Variants in EYS observed in about 807,000 individuals in gnomAD.
EYS encodes the protein EGF-like photoreceptor maintenance factor.
EYS carries 250 observed loss-of-function variants against 282.1 expected under a neutral mutation model. That is an observed-to-expected ratio of 0.89 (90% CI 0.80 to 0.98). EYS has a LOEUF of 0.98. EYS is among the 50% of genes least tolerant of loss of function. The probability of loss-of-function intolerance (pLI) is 0.00; values close to 1 mark genes in which losing one functional copy is unlikely to be tolerated. For synonymous variants in EYS, 1,355 were observed against 1,282.9 expected (o/e 1.06, Z -1.20); for missense variants, 4,016 against 3,709.0 (o/e 1.08, Z -2.15).
chr6:65,427,499 T>C (rs987214481), intron 5 of EYS, among the ~76,000 whole-genome samples: 3 of 152,096 alleles, frequency 2.0e-5, no homozygotes, highest in African/African-American at 7.2e-5. Context: ...TTCAATAGCC[T>C]ATTAATGTAA....
chr6:64,386,100 C>T (rs980536034), intron 29 of EYS, among the ~76,000 whole-genome samples: 4 of 152,108 alleles, frequency 2.6e-5, no homozygotes, highest in East Asian at 1.9e-4. Flanking sequence ...ACCGAAGGCC[C>T]GTATTTCAAA....
intron 29 of EYS, 85 bp downstream of exon 29, chr6:64,388,605 A>G (rs1438321495): frequency 7.0e-6 from 9 of 1,285,664 alleles, no homozygotes; most frequent in Middle Eastern, 5.2e-4. Context: ...AAATATTTCT[A>G]AAGTTTTTCT....
At chr6:64,462,084 G>T (rs1002075043) in intron 26 of EYS, among the ~76,000 whole-genome samples, 1 of 152,092 alleles carries the variant, frequency 6.6e-6, no homozygotes, top group Admixed American at 6.5e-5. Flanking sequence ...AAATGTGTTT[G>T]TTAATTATTA....
chr6:64,421,858 GGGGTGTGTGTGTGT>G (rs971359906), intron 28 of EYS, among the ~76,000 whole-genome samples: 8 of 52,760 alleles, frequency 1.5e-4, no homozygotes, highest in East Asian at 8.3e-4. Context: ...TTTTGTTTGG[GGGGTGTGTGTGTGT>G]GTGTGTGTGT....
rs1182477672 is a variant in EYS at position 64,159,559 on chromosome 6, T to TAGAAA, written c.6424+71032_6424+71033insTTTCT. The stretch of plus-strand genomic sequence containing the variant: ...TGGGCGACAGAGCGAGACTCTGTCT[T>TAGAAA]AAAAAAAAAAAAAAAAAAAAAAAAA... On this transcript the variant is annotated intron_variant, in intron 31 of 42. Coordinates refer to ENST00000503581, the MANE Select transcript of EYS (RefSeq NM_001142800.2). Among the ~76,000 whole-genome samples, 39 of 59,944 alleles carry TAGAAA rather than the reference T, an allele frequency of 6.5e-4. No individual in the cohort carries two copies. In the South Asian group the frequency reaches 0.014, roughly 21 times the overall value. The allele number at this position is 59,944 out of a possible 152,430, so 39.3% of individuals were successfully genotyped here.
intron 31 of EYS, among the ~76,000 whole-genome samples, chr6:64,101,622 G>C (rs1772830139): frequency 6.6e-6 from 1 of 151,862 alleles, no homozygotes; most frequent in South Asian, 2.1e-4. Context: ...GAAAAATGTA[G>C]AGTAATAGTC....
chr6:64,770,606 C>T (rs1040796625), intron 22 of EYS, among the ~76,000 whole-genome samples: 3 of 151,838 alleles, frequency 2.0e-5, no homozygotes, highest in Non-Finnish European at 4.4e-5. Context: ...TAAACTCAAT[C>T]GTCGAAACTA....
intron 22 of EYS, among the ~76,000 whole-genome samples, chr6:64,685,034 G>A (rs1394536338): frequency 1.3e-5 from 2 of 151,958 alleles, no homozygotes; most frequent in African/African-American, 4.8e-5. Flanking sequence ...TAATATAAGA[G>A]ATGTACTTTA....
At chr6:65,406,452 T>C (rs1281569892) in intron 5 of EYS, among the ~76,000 whole-genome samples, 3 of 152,100 alleles carry the variant, frequency 2.0e-5, no homozygotes, top group Non-Finnish European at 4.4e-5. Context: ...ATTTTGTCAT[T>C]TTTATGTCAT....
At chr6:64,970,041 A>G (rs1208454787) in intron 14 of EYS, among the ~76,000 whole-genome samples, 1 of 152,186 alleles carries the variant, frequency 6.6e-6, no homozygotes, top group Admixed American at 6.6e-5. Context: ...TGAAATGGAC[A>G]CATACATTTA....
At chr6:64,142,866 G>A (rs530514111) in intron 31 of EYS, among the ~76,000 whole-genome samples, 15 of 152,284 alleles carry the variant, frequency 9.9e-5, no homozygotes, top group African/African-American at 2.9e-4. Flanking sequence ...GGAGGTAAGA[G>A]AGGGAAGAAA....
chr6:65,420,518 C>A (rs953020172), intron 5 of EYS, among the ~76,000 whole-genome samples: 3 of 151,792 alleles, frequency 2.0e-5, no homozygotes, highest in African/African-American at 7.2e-5. Context: ...TCAAAGTCAC[C>A]CATGAAGGTT....
At chr6:63,723,918 C>T (rs1331913208) in intron 42 of EYS, among the ~76,000 whole-genome samples, 2 of 151,776 alleles carry the variant, frequency 1.3e-5, no homozygotes, top group Non-Finnish European at 2.9e-5. Flanking sequence ...ATCTCCCGGG[C>T]TGCCTCAGTT....
At chr6:63,998,787 C>A (rs1169254611) in intron 34 of EYS, among the ~76,000 whole-genome samples, 1 of 133,540 alleles carries the variant, frequency 7.5e-6, no homozygotes, top group African/African-American at 2.9e-5. Context: ...CACTCTGGAG[C>A]TGTCTTTTTT....
intron 35 of EYS, among the ~76,000 whole-genome samples, chr6:63,974,364 CA>C (rs1326529303): frequency 6.6e-6 from 1 of 151,654 alleles, no homozygotes; most frequent in East Asian, 1.9e-4. Flanking sequence ...GCAAAACAGT[CA>C]AAAAAACATA....
chr6:65,153,214 G>A (rs1764655599), intron 12 of EYS, among the ~76,000 whole-genome samples: 1 of 151,808 alleles, frequency 6.6e-6, no homozygotes, highest in African/African-American at 2.4e-5. Context: ...GGAGCTGAGG[G>A]TGGCCATGTT....
intron 22 of EYS, among the ~76,000 whole-genome samples, chr6:64,795,586 G>T (rs1774331098): frequency 6.6e-6 from 1 of 152,150 alleles, no homozygotes. Flanking sequence ...CTGCATCCAG[G>T]ATTGGCATCA....
At chr6:64,800,673 A>G (rs189604451) in intron 22 of EYS, among the ~76,000 whole-genome samples, 87 of 152,002 alleles carry the variant, frequency 5.7e-4, no homozygotes, top group African/African-American at 2.1e-3. Flanking sequence ...TATAAATTAA[A>G]ACATTAACAG....
intron 29 of EYS, among the ~76,000 whole-genome samples, chr6:64,312,713 C>T (rs1769768296): frequency 6.6e-6 from 1 of 152,194 alleles, no homozygotes; most frequent in African/African-American, 2.4e-5. Context: ...TGTTCTGCAG[C>T]CTCTGCTGGT....
Sources: gnomAD v4.1 joint callset for allele counts (sites outside exome capture counted in the v4.1 genomes callset) on GRCh38, gnomAD v4.1.1 for gene constraint, MANE v1.5 for transcripts, NCBI Gene and HGNC (gene_info 2026-07-23, HGNC 2026-07-21) for gene names.